Variants in MYRIP observed in about 807,000 individuals in gnomAD.
The protein encoded by MYRIP is rab effector MyRIP.
In MYRIP, 49 loss-of-function variants were observed where a neutral mutation model predicts 98.0. The ratio of observed to expected loss-of-function variants is 0.50; its 90% confidence interval spans 0.40 to 0.63. The LOEUF (loss-of-function observed/expected upper bound fraction) is 0.63. MYRIP is among the 30% of genes least tolerant of loss of function. The probability of loss-of-function intolerance (pLI) is 0.00; values close to 1 mark genes in which losing one functional copy is unlikely to be tolerated. For missense variants in MYRIP, 1,004 were observed against 1,058.2 expected (o/e 0.95, Z 0.71); for synonymous variants, 404 against 409.5 (o/e 0.99, Z 0.16).
At chr3:40,047,075 A>G (rs931047388) in intron 3 of MYRIP, among the ~76,000 whole-genome samples, 1 of 152,160 alleles carries the variant, frequency 6.6e-6, no homozygotes, top group Non-Finnish European at 1.5e-5. Flanking sequence ...TCAGAATCCC[A>G]TCACCTATAA....
At chr3:39,894,189 T>G in intron 1 of MYRIP, among the ~76,000 whole-genome samples, 1 of 152,244 alleles carries the variant, frequency 6.6e-6, no homozygotes, top group Non-Finnish European at 1.5e-5. Context: ...TGCATGTAAA[T>G]GCATAAATCA....
chr3:39,851,795 G>C (rs924124577), intron 1 of MYRIP, among the ~76,000 whole-genome samples: 1 of 152,104 alleles, frequency 6.6e-6, no homozygotes, highest in Non-Finnish European at 1.5e-5. Context: ...ATCAGGAGAG[G>C]CAATGGTTCA....
chr3:39,832,091 C>T (rs1941467144), intron 1 of MYRIP, among the ~76,000 whole-genome samples: 3 of 152,218 alleles, frequency 2.0e-5, no homozygotes, highest in Admixed American at 2.0e-4. Flanking sequence ...TGCTTCTGCA[C>T]TCTTCTTCCT....
intron 1 of MYRIP, among the ~76,000 whole-genome samples, chr3:39,812,395 A>T (rs1431431338): frequency 6.6e-6 from 1 of 152,244 alleles, no homozygotes; most frequent in Admixed American, 6.5e-5. Context: ...AAATAGAAGG[A>T]ATAATTTAGC....
intron 2 of MYRIP, among the ~76,000 whole-genome samples, chr3:39,980,139 A>G (rs1945853882): frequency 7.0e-6 from 1 of 143,012 alleles, no homozygotes; most frequent in African/African-American, 2.8e-5. Flanking sequence ...TCGGGTACAT[A>G]TGACTTATTG....
chr3:40,169,822 G>A, intron 7 of MYRIP, 128 bp from the exon 8 acceptor site: 2 of 1,049,788 alleles, frequency 1.9e-6, no homozygotes, highest in East Asian at 5.1e-5. Flanking sequence ...ATCTGAAACA[G>A]CCTGGTGTTC....
At position 40,060,596 on chromosome 3, in the gene MYRIP, T is replaced by TGAGA. The variant is rs35495297; in HGVS notation, c.332+16344_332+16347dup. Among the ~76,000 whole-genome samples the TGAGA allele has an allele frequency of 5.2e-3, 716 of 138,876 alleles. 5 individuals are homozygous for TGAGA. Among genetic ancestry groups the TGAGA allele is most frequent in the African/African-American group, 0.018 (678 of 37,438 alleles). The allele number at this position is 138,876 out of a possible 152,430, so 91.1% of individuals were successfully genotyped here. On this transcript the variant is annotated intron_variant, in intron 3 of 16. Coordinates refer to ENST00000302541, the MANE Select transcript of MYRIP (RefSeq NM_015460.4). ...TAGATTTTCTTTTTTTTTCTTTTTT[T>TGAGA]GAGAGAGAGAGAGAGAGAGAGATTC...
At chr3:40,099,225 G>A (rs576185169) in intron 3 of MYRIP, among the ~76,000 whole-genome samples, 7 of 152,304 alleles carry the variant, frequency 4.6e-5, no homozygotes, top group African/African-American at 1.2e-4. Flanking sequence ...ACAAAAAAAT[G>A]TGTTTCTTCT....
chr3:39,854,721 G>T (rs995923876), intron 1 of MYRIP, among the ~76,000 whole-genome samples: 5 of 152,142 alleles, frequency 3.3e-5, no homozygotes, highest in Admixed American at 3.3e-4. Context: ...ATCTTCTTTT[G>T]TCATATTACC....
chr3:39,933,242 G>A (rs1042863339), intron 2 of MYRIP, among the ~76,000 whole-genome samples: 1 of 152,170 alleles, frequency 6.6e-6, no homozygotes, highest in Non-Finnish European at 1.5e-5. Flanking sequence ...TTGGAACACA[G>A]CCACTCCACT....
rs976007665 is a variant in MYRIP, at chr3:40,006,737, A to G, written c.111-37313A>G. ...CTCCAGAAAATTCTGTATTTGCAGTATTCGTCTTCTAGCATTTGCACTTAC... is the reference window on the plus strand; with the variant it reads ...CTCCAGAAAATTCTGTATTTGCAGTGTTCGTCTTCTAGCATTTGCACTTAC... On this transcript the variant is annotated intron_variant, in intron 2 of 16. Transcript: ENST00000302541. Among the ~76,000 whole-genome samples the G allele has an allele frequency of 1.7e-4, 26 of 152,250 alleles. 1 individual carries two copies. Among genetic ancestry groups the G allele is most frequent in the African/African-American group, 6.3e-4 (26 of 41,478 alleles).
Position 40,204,000 on chromosome 3 carries a change from T to TATATTATATACATTA in MYRIP, c.1666-5854_1666-5853insATATTATATACATTA, listed in dbSNP as rs1951681654. On this transcript the variant is annotated intron_variant, in intron 10 of 16. Coordinates refer to ENST00000302541, the MANE Select transcript of MYRIP (RefSeq NM_015460.4). ...TTATATATAATATATATTATATATA[T>TATATTATATACATTA]TATATATTATATATAATATATATTA... Among the ~76,000 whole-genome samples the TATATTATATACATTA allele has an allele frequency of 3.0e-3, 2 of 662 alleles. 1 individual carries two copies. Among genetic ancestry groups the TATATTATATACATTA allele is most frequent in the Non-Finnish European group, 0.011 (2 of 182 alleles). The allele number at this position is 662 out of a possible 152,430, so 0.4% of individuals were successfully genotyped here.
chr3:40,238,863 T>G (rs986467263), intron 12 of MYRIP: 1 of 152,248 alleles, frequency 6.6e-6, no homozygotes, highest in African/African-American at 2.4e-5. Context: ...CAAACTGCCT[T>G]AACCCCCTTA....
At position 40,220,879 on chromosome 3, in the gene MYRIP, A is replaced by G. The variant is rs1337295936; in HGVS notation, c.1905+10786A>G. 3.3e-5 allele frequency among the ~76,000 whole-genome samples: 5 copies of G among 152,022 alleles called. No individual in the cohort carries two copies. The East Asian group carries it at 7.7e-4, about 24-fold the overall frequency. ...ACAACTCACTCACTATCATGAGAAC[A>G]GCACCAAAGAGGAAATCTGCCCCCA... On this transcript the variant is annotated intron_variant, in intron 11 of 16. Coordinates refer to ENST00000302541, the MANE Select transcript of MYRIP (RefSeq NM_015460.4).
intron 3 of MYRIP, among the ~76,000 whole-genome samples, chr3:40,126,030 G>A (rs1949520460): frequency 6.6e-6 from 1 of 152,166 alleles, no homozygotes; most frequent in African/African-American, 2.4e-5. Context: ...TGCTGTCAGG[G>A]CTGAAGGATT....
chr3:40,169,390 A>G (rs944715107), intron 7 of MYRIP, among the ~76,000 whole-genome samples: 1 of 152,256 alleles, frequency 6.6e-6, no homozygotes, highest in East Asian at 1.9e-4. Context: ...AAGCCCAGAG[A>G]CCTTGGTACG....
At chr3:40,113,395 T>C (rs979560237) in intron 3 of MYRIP, among the ~76,000 whole-genome samples, 2 of 152,206 alleles carry the variant, frequency 1.3e-5, no homozygotes, top group Non-Finnish European at 1.5e-5. Context: ...TCTTCCCGCC[T>C]CAGCCTCCCA....
intron 3 of MYRIP, among the ~76,000 whole-genome samples, chr3:40,075,253 T>G (rs551554316): frequency 6.6e-6 from 1 of 152,342 alleles, no homozygotes; most frequent in East Asian, 1.9e-4. Flanking sequence ...TCATTAAACT[T>G]GACCAACTTA....
At chr3:39,932,348 C>T (rs6777093) in intron 2 of MYRIP, among the ~76,000 whole-genome samples, 56,270 of 151,548 alleles carry the variant, frequency 0.37, 10,748 homozygotes, top group East Asian at 0.46. Flanking sequence ...ATCAGTCAGT[C>T]CTGCACCCAC....
Sources: allele counts gnomAD v4.1 joint callset (sites outside exome capture counted in the v4.1 genomes callset), GRCh38; gene constraint gnomAD v4.1.1; transcripts MANE v1.5; gene names NCBI Gene and HGNC (gene_info 2026-07-23, HGNC 2026-07-21).